The following ABTB3 variants were observed in gnomAD, a reference collection of about 807,000 sequenced individuals.
The protein encoded by ABTB3 is ankyrin repeat- and BTB/POZ domain-containing protein 3.
the ABTB3 span, among the ~76,000 whole-genome samples, chr12:107,573,532 GGACAGATA>G: frequency 6.6e-6 from 1 of 151,374 alleles, no homozygotes; most frequent in Non-Finnish European, 1.5e-5. Flanking sequence ...GATGGTGAGT[GGACAGATA>G]GACAGATAGA....
At chr12:107,545,058 A>C in the ABTB3 span, among the ~76,000 whole-genome samples, 10 of 152,124 alleles carry the variant, frequency 6.6e-5, no homozygotes, top group African/African-American at 9.7e-5. Context: ...TTGGGCTCCT[A>C]CAGTTTTCCT....
At chr12:107,365,422 A>G in the ABTB3 span, among the ~76,000 whole-genome samples, 5 of 152,192 alleles carry the variant, frequency 3.3e-5, no homozygotes, top group Non-Finnish European at 7.3e-5. Context: ...GAGTAGACAC[A>G]CAAAAAAATA....
chr12:107,545,706 A>G, the ABTB3 span, among the ~76,000 whole-genome samples: 210 of 152,290 alleles, frequency 1.4e-3, 2 homozygotes, highest in African/African-American at 4.8e-3. Context: ...ACATGCCCCA[A>G]ATGGAGAGGT....
the ABTB3 span, chr12:107,520,501 C>T: frequency 1.2e-6 from 2 of 1,614,154 alleles, no homozygotes; most frequent in Non-Finnish European, 1.7e-6. Context: ...GCTGTGCCTA[C>T]CAGACAGCCT....
chr12:107,353,102 C>T, the ABTB3 span, among the ~76,000 whole-genome samples: 1 of 152,196 alleles, frequency 6.6e-6, no homozygotes, highest in African/African-American at 2.4e-5. Flanking sequence ...TGGCCACACT[C>T]AAGGCCAAGA....
At chr12:107,566,381 T>G in the ABTB3 span, among the ~76,000 whole-genome samples, 1 of 152,224 alleles carries the variant, frequency 6.6e-6, no homozygotes, top group East Asian at 1.9e-4. Flanking sequence ...CTGAGACAAA[T>G]GATGTTTATT....
At chr12:107,587,240 C>T in the ABTB3 span, among the ~76,000 whole-genome samples, 1 of 152,178 alleles carries the variant, frequency 6.6e-6, no homozygotes, top group Admixed American at 6.5e-5. Context: ...TAGGAGCTGT[C>T]GCAGATTTGT....
the ABTB3 span, among the ~76,000 whole-genome samples, chr12:107,441,116 A>T: frequency 6.6e-6 from 1 of 152,194 alleles, no homozygotes; most frequent in Non-Finnish European, 1.5e-5. Flanking sequence ...TCGAAATCTT[A>T]GAGTGCCTAA....
At chr12:107,617,771 T>C in the ABTB3 span, 2 of 361,928 alleles carry the variant, frequency 5.5e-6, no homozygotes, top group Non-Finnish European at 1.0e-5. Context: ...AAACCTTTCA[T>C]ATTTGGTGAC....
the ABTB3 span, among the ~76,000 whole-genome samples, chr12:107,559,472 C>T: frequency 6.6e-6 from 1 of 151,292 alleles, no homozygotes; most frequent in South Asian, 2.1e-4. Flanking sequence ...AGCCTGGTGC[C>T]CAAATGCCTG....
chr12:107,467,883 G>A, the ABTB3 span, among the ~76,000 whole-genome samples: 1 of 152,142 alleles, frequency 6.6e-6, no homozygotes, highest in South Asian at 2.1e-4. Context: ...AGGCTTGCCT[G>A]GCTTCAGAGG....
chr12:107,657,705 G>C, the ABTB3 span: 6 of 1,614,154 alleles, frequency 3.7e-6, no homozygotes, highest in Non-Finnish European at 4.2e-6. Flanking sequence ...TCTTCCAAAG[G>C]TTCCGTGGTA....
the ABTB3 span, among the ~76,000 whole-genome samples, chr12:107,380,850 G>T: frequency 2.6e-5 from 4 of 151,992 alleles, no homozygotes; most frequent in African/African-American, 7.2e-5. Context: ...ATTTTATAAT[G>T]ACCTATATTA....
At chr12:107,629,737 AATGT>A in the ABTB3 span, among the ~76,000 whole-genome samples, 2 of 151,956 alleles carry the variant, frequency 1.3e-5, no homozygotes, top group East Asian at 3.9e-4. Context: ...ACTGTGCTTA[AATGT>A]GCTGCTCAGA....
the ABTB3 span, among the ~76,000 whole-genome samples, chr12:107,635,870 C>CACACA: frequency 8.7e-6 from 1 of 115,232 alleles, no homozygotes; most frequent in African/African-American, 3.2e-5. Context: ...CCCCACCCAC[C>CACACA]CACACACACA....
At chr12:107,379,749 A>T in the ABTB3 span, among the ~76,000 whole-genome samples, 2,633 of 152,262 alleles carry the variant, frequency 0.017, 69 homozygotes, top group African/African-American at 0.059. Context: ...AAACAGAGAG[A>T]TGACAAAGAC....
chr12:107,417,190 T>G, the ABTB3 span, among the ~76,000 whole-genome samples: 6 of 152,196 alleles, frequency 3.9e-5, no homozygotes, highest in Admixed American at 3.3e-4. Flanking sequence ...ATTGATTGGT[T>G]AAAAGCACAA....
the ABTB3 span, among the ~76,000 whole-genome samples, chr12:107,334,126 C>T: frequency 6.6e-6 from 1 of 152,110 alleles, no homozygotes; most frequent in African/African-American, 2.4e-5. Context: ...TGGGTAGGGC[C>T]CCATAGGTCA....
At chr12:107,577,555 C>G in the ABTB3 span, among the ~76,000 whole-genome samples, 135 of 152,206 alleles carry the variant, frequency 8.9e-4, 1 homozygote, top group East Asian at 9.7e-4. Flanking sequence ...GGCTTAACAG[C>G]CTTCCTGAGC....
Sources: allele counts gnomAD v4.1 joint callset (sites outside exome capture counted in the v4.1 genomes callset), GRCh38; gene constraint gnomAD v4.1.1; transcripts MANE v1.5; gene names NCBI Gene and HGNC (gene_info 2026-07-23, HGNC 2026-07-21).